Variants in ZDHHC11 observed in about 807,000 individuals in gnomAD.
ZDHHC11 encodes zDHHC palmitoyltransferase 11, also known as palmitoyltransferase ZDHHC11.
A neutral mutation model predicts 51.3 loss-of-function variants in ZDHHC11; 44 were observed. That is an observed-to-expected ratio of 0.86 (90% CI 0.67 to 1.10). The LOEUF (loss-of-function observed/expected upper bound fraction) is 1.10. Among genes scored for constraint, ZDHHC11 ranks in the 50% least tolerant of loss-of-function variants. The probability of loss-of-function intolerance (pLI) is 0.00; values close to 1 mark genes in which losing one functional copy is unlikely to be tolerated. For synonymous variants in ZDHHC11, 163 were observed against 222.0 expected (o/e 0.73, Z 2.36); for missense variants, 400 against 537.7 (o/e 0.74, Z 2.53).
In ZDHHC11 at chr5:820,299, CA is replaced by C. The variant is rs1438376408; in HGVS notation, c.1059-688del. Among the ~76,000 whole-genome samples, 5 of 151,686 alleles carry C rather than the reference CA, an allele frequency of 3.3e-5. No individual in the cohort carries two copies. The East Asian group carries it at 9.6e-4, about 29-fold the overall frequency. On this transcript the variant is annotated intron_variant, in intron 9 of 12. Transcript: ENST00000283441. ...TTGCCAATTACCCTTCTAAGAAAAG[CA>C]ATTTCATAGAAGACTTAATGGGTCG... is the stretch of plus-strand genomic sequence containing the variant.
chr5:847,153 C>T (rs528765809), intron 3 of ZDHHC11, among the ~76,000 whole-genome samples: 7 of 151,984 alleles, frequency 4.6e-5, no homozygotes, highest in Non-Finnish European at 8.8e-5. Context: ...TGGGTGCCCA[C>T]TGCCCTTCCG....
At chr5:814,603 A>T (rs1364529761) in intron 11 of ZDHHC11, among the ~76,000 whole-genome samples, 158 bp downstream of exon 11, 1 of 151,620 alleles carries the variant, frequency 6.6e-6, no homozygotes, top group African/African-American at 2.4e-5. Context: ...GCAATAAGCC[A>T]CATGAATGGC....
In ZDHHC11 at chr5:811,859, C is replaced by T. The variant is rs879429134; in HGVS notation, c.1181+2902G>A. Among the ~76,000 whole-genome samples, 866 of 136,340 alleles carry T rather than the reference C, an allele frequency of 6.4e-3. 10 individuals are homozygous for T. The highest frequency in any genetic ancestry group is 9.8e-3 in the Non-Finnish European group (638 of 64,840). The allele number at this position is 136,340 out of a possible 152,430, so 89.4% of individuals were successfully genotyped here. ...TGAAAAAACCTGAGAAAGTGACTGTCGGACATTAAAATGTAGCTCAGAAGG... is the reference window on the plus strand; with the variant it reads ...TGAAAAAACCTGAGAAAGTGACTGTTGGACATTAAAATGTAGCTCAGAAGG... On this transcript the variant is annotated intron_variant, in intron 11 of 12. Coordinates refer to ENST00000283441, the MANE Select transcript of ZDHHC11 (RefSeq NM_024786.3).
At position 816,374 on chromosome 5, in the gene ZDHHC11, G is replaced by T. The variant is rs917883607; in HGVS notation, c.1147-1579C>A. 2.0e-5 allele frequency: 8 copies of T among 391,932 alleles called. 1 individual carries two copies. Among genetic ancestry groups the T allele is most frequent in the South Asian group, 1.4e-4 (7 of 50,832 alleles). The allele number at this position is 391,932 out of a possible 1,614,324, so 24.3% of individuals were successfully genotyped here. A position where few individuals can be genotyped will look rare whatever the true frequency, so the allele number is the denominator to read the frequency against. On this transcript the variant is annotated intron_variant, in intron 10 of 12. Coordinates refer to ENST00000283441, the MANE Select transcript of ZDHHC11 (RefSeq NM_024786.3). Reference sequence around the variant, plus strand: ...GCGGCAGCAGCTGCACGGGCGGGAGGGGGGCGGTAGCGCAGGCGGTGGTGG... The same window carrying T: ...GCGGCAGCAGCTGCACGGGCGGGAGTGGGGCGGTAGCGCAGGCGGTGGTGG...
upstream of ZDHHC11, among the ~76,000 whole-genome samples, chr5:854,969 AC>A (rs1747942063): frequency 6.9e-6 from 1 of 145,132 alleles, no homozygotes; most frequent in South Asian, 2.2e-4. Context: ...GGGGGCACAG[AC>A]CCCACGGAGG....
At chr5:854,633 G>A (rs73730977), upstream of ZDHHC11, among the ~76,000 whole-genome samples, 4,427 of 150,826 alleles carry the variant, frequency 0.029, 200 homozygotes, top group African/African-American at 0.099. Context: ...AGGACAGCGA[G>A]CCAGGGTCAC....
At chr5:843,968 A>ACGCGCAG (rs1745632068) in intron 3 of ZDHHC11, among the ~76,000 whole-genome samples, 1 of 83,508 alleles carries the variant, frequency 1.2e-5, no homozygotes, top group Non-Finnish European at 1.9e-5. Context: ...GGGGGTGCAG[A>ACGCGCAG]GGCAGGGGCA....
chr5:806,087 G>A (rs1400658244), intron 11 of ZDHHC11, among the ~76,000 whole-genome samples: 6 of 151,184 alleles, frequency 4.0e-5, no homozygotes, highest in Non-Finnish European at 7.4e-5. Context: ...AGTGGGGTTA[G>A]TGATCATAAT....
At chr5:803,459 A>G (rs1738781992) in intron 11 of ZDHHC11, among the ~76,000 whole-genome samples, 2 of 151,382 alleles carry the variant, frequency 1.3e-5, no homozygotes, top group Non-Finnish European at 3.0e-5. Context: ...ACTACTTTGG[A>G]AAGGGCACAA....
rs1457473704 is a variant in ZDHHC11, at chr5:850,835, C to T, written c.-233G>A. The T allele has an allele frequency of 4.7e-5, 28 of 601,596 alleles. No homozygotes were observed. In the Middle Eastern group the frequency reaches 1.3e-3, roughly 29 times the overall value. 37.3% of individuals were successfully genotyped at this position (601,596 alleles called of 1,614,324 possible). On this transcript the variant is annotated 5_prime_UTR_variant, in exon 1 of 13. Transcript: ENST00000283441. ...ACAGACATGCTGCAGAATGTGACCC[C>T]GGCCAGAGCCGAGTGGCAACGGAAA...
chr5:800,560 G>C (rs1393708948), intron 12 of ZDHHC11, among the ~76,000 whole-genome samples: 2 of 151,490 alleles, frequency 1.3e-5, no homozygotes, highest in Non-Finnish European at 3.0e-5. Flanking sequence ...TGGATGGTTT[G>C]CCAACTCATG....
chr5:825,863 C>A (rs1742292301), intron 7 of ZDHHC11, among the ~76,000 whole-genome samples: 1 of 151,704 alleles, frequency 6.6e-6, no homozygotes, highest in Non-Finnish European at 1.5e-5. Flanking sequence ...TATTCCACCT[C>A]CTGCAACATC....
At chr5:850,221 G>A (rs1746951435) in intron 1 of ZDHHC11, 160 bp downstream of exon 1, 4 of 781,086 alleles carry the variant, frequency 5.1e-6, no homozygotes, top group East Asian at 5.4e-5. Flanking sequence ...CAGAGCATGA[G>A]TGGCCACTGG....
At chr5:800,363 T>G (rs1195979113) in intron 12 of ZDHHC11, among the ~76,000 whole-genome samples, 9 of 150,646 alleles carry the variant, frequency 6.0e-5, no homozygotes, top group African/African-American at 2.2e-4. Flanking sequence ...ACGGTAGACT[T>G]CAGGGTGTAA....
chr5:819,710 G>A, intron 9 of ZDHHC11, 98 bp from the exon 10 acceptor site: 1 of 1,279,402 alleles, frequency 7.8e-7, no homozygotes, highest in South Asian at 1.2e-5. Flanking sequence ...CACCACTGCA[G>A]TGGGGCCCAT....
intron 8 of ZDHHC11, among the ~76,000 whole-genome samples, chr5:823,190 T>C (rs1257249932): frequency 6.6e-6 from 1 of 151,244 alleles, no homozygotes; most frequent in African/African-American, 2.4e-5. Flanking sequence ...AAAGAAGAGT[T>C]TGCCTAACAC....
intron 1 of ZDHHC11, among the ~76,000 whole-genome samples, chr5:858,722 G>A (rs548591319): frequency 1.3e-5 from 2 of 152,190 alleles, no homozygotes; most frequent in East Asian, 1.9e-4. Context: ...CAGTGGAAAC[G>A]GCCTTTTCTG....
At chr5:849,117 C>T (rs1009804780) in intron 1 of ZDHHC11, among the ~76,000 whole-genome samples, 1 of 152,192 alleles carries the variant, frequency 6.6e-6, no homozygotes, top group African/African-American at 2.4e-5. Flanking sequence ...GTCGGCCCTG[C>T]ACACACAGCC....
chr5:844,434 C>A (rs1200529433), intron 3 of ZDHHC11, among the ~76,000 whole-genome samples: 2 of 152,300 alleles, frequency 1.3e-5, no homozygotes, highest in Non-Finnish European at 1.5e-5. Context: ...GAGGGTCACA[C>A]GGCGTCTCCA....
Sources: allele counts gnomAD v4.1 joint callset (sites outside exome capture counted in the v4.1 genomes callset), GRCh38; gene constraint gnomAD v4.1.1; transcripts MANE v1.5; gene names NCBI Gene and HGNC (gene_info 2026-07-23, HGNC 2026-07-21).